The following PEMT variants were observed in gnomAD, a reference collection of about 807,000 sequenced individuals.
The protein encoded by PEMT is phospholipid methyltransferase.
PEMT carries 23 observed loss-of-function variants against 27.4 expected under a neutral mutation model. The observed-to-expected ratio is 0.84, with a 90% CI of 0.60 to 1.19. The LOEUF (loss-of-function observed/expected upper bound fraction) is 1.19, where lower values mean the gene tolerates loss of function less well. Ranked by LOEUF, PEMT falls within the 50% of genes most tolerant of loss-of-function variation. The pLI is 0.00. For synonymous variants in PEMT, 137 were observed against 139.1 expected, an observed-to-expected ratio of 0.98 and a Z score of 0.11; for missense variants, 307 against 310.1, an observed-to-expected ratio of 0.99 and a Z score of 0.07.
intron 2 of PEMT, among the ~76,000 whole-genome samples, chr17:17,564,307 TG>T (rs1910682825): frequency 6.6e-6 from 1 of 152,044 alleles, no homozygotes; most frequent in Non-Finnish European, 1.5e-5. Context: ...GTATGGGGCT[TG>T]GGTGGGGGGC....
At chr17:17,507,545 G>T in intron 5 of PEMT, 1 of 307,452 alleles carries the variant, frequency 3.3e-6, no homozygotes, top group Non-Finnish European at 6.1e-6. Context: ...CCCCAGGCCT[G>T]GCAACCAGCA....
chr17:17,511,332 C>T (rs1375826868), intron 4 of PEMT, among the ~76,000 whole-genome samples: 1 of 152,240 alleles, frequency 6.6e-6, no homozygotes, highest in South Asian at 2.1e-4. Context: ...GCAGGAAGCA[C>T]TGAACTGCCT....
At chr17:17,571,458 A>G (rs1911186618) in intron 2 of PEMT, among the ~76,000 whole-genome samples, 1 of 150,724 alleles carries the variant, frequency 6.6e-6, no homozygotes, top group Admixed American at 6.6e-5. Context: ...AACAGAGTGG[A>G]GGAGATGCCA....
chr17:17,580,217 G>A (rs1038140945), intron 1 of PEMT, among the ~76,000 whole-genome samples: 1 of 151,988 alleles, frequency 6.6e-6, no homozygotes, highest in Non-Finnish European at 1.5e-5. Flanking sequence ...TAGGCATGGT[G>A]GCCTGTAATC....
Position 17,522,368 on chromosome 17 carries a change from T to A in PEMT, c.232A>T (p.Lys78Ter). 6.2e-7 allele frequency: 1 copy of A among 1,612,038 alleles called. No homozygotes were observed. Residue 78 changes from lysine to a stop codon, truncating the protein, a stop_gained, in exon 3 of 7, where the codon AAG becomes TAG. Coordinates refer to ENST00000255389, the MANE Select transcript of PEMT (RefSeq NM_148172.3). LOFTEE classifies it high-confidence loss of function. ...VVARWEHKTR[K>*]LSRAFGSPYL... ...GGGGATCCGAAGGCCCTGCTCAGCTTGCGGGTCTTGTGTTCCCATCGTGCA... is the reference window on the plus strand; with the variant it reads ...GGGGATCCGAAGGCCCTGCTCAGCTAGCGGGTCTTGTGTTCCCATCGTGCA...
At chr17:17,537,143 C>G (rs1322306684) in intron 2 of PEMT, among the ~76,000 whole-genome samples, 1 of 152,212 alleles carries the variant, frequency 6.6e-6, no homozygotes, top group Non-Finnish European at 1.5e-5. Context: ...TCTCTGAGCC[C>G]TGCTTACACA....
chr17:17,516,126 C>T (rs938649213), intron 3 of PEMT, among the ~76,000 whole-genome samples: 13 of 152,246 alleles, frequency 8.5e-5, no homozygotes, highest in East Asian at 1.9e-4. Flanking sequence ...TCCGCAACGT[C>T]GTCCACATCC....
chr17:17,520,800 C>T (rs954121346), intron 3 of PEMT, among the ~76,000 whole-genome samples: 1 of 152,252 alleles, frequency 6.6e-6, no homozygotes, highest in Admixed American at 6.5e-5. Context: ...GAAGCAAAGG[C>T]CAGGAGCCAG....
At chr17:17,566,298 T>C (rs1283640503) in intron 2 of PEMT, among the ~76,000 whole-genome samples, 1 of 152,124 alleles carries the variant, frequency 6.6e-6, no homozygotes, top group Admixed American at 6.5e-5. Context: ...TTGTGCGTGA[T>C]CCCAGTAGAG....
intron 2 of PEMT, among the ~76,000 whole-genome samples, chr17:17,531,617 T>C (rs1311367258): frequency 2.0e-5 from 1 of 49,838 alleles, no homozygotes; most frequent in African/African-American, 8.5e-5. Flanking sequence ...TTGGCTATCA[T>C]ATGCAAAAAA....
At chr17:17,531,621 CAAAAAAAAA>C (rs58165466) in intron 2 of PEMT, among the ~76,000 whole-genome samples, 5 of 62,410 alleles carry the variant, frequency 8.0e-5, no homozygotes, top group South Asian at 9.7e-4. Context: ...CTATCATATG[CAAAAAAAAA>C]AAAAAAAAAA....
chr17:17,550,668 C>T (rs774630301), intron 2 of PEMT, among the ~76,000 whole-genome samples: 10 of 152,224 alleles, frequency 6.6e-5, no homozygotes, highest in Non-Finnish European at 1.2e-4. Context: ...CATTCATTTT[C>T]CAGCCCGCTT....
rs1910436863 is a variant in PEMT at position 17,561,022 on chromosome 17, C to T, written c.204+15898G>A. ...CTGAAGATAGCAAGGACCCCGGCCG[C>T]GCCTTCCTCTCCCCTCTCTCCTCCC... On this transcript the variant is annotated intron_variant, in intron 2 of 6. Transcript: ENST00000255389. This position sits in a 1 kb window ranked among gnomAD's most constrained non-coding sequence, Gnocchi z 4.5. 6.6e-6 allele frequency among the ~76,000 whole-genome samples: 1 copy of T among 152,092 alleles called. No individual in the cohort carries two copies.
At chr17:17,542,606 G>A (rs1908968169) in intron 2 of PEMT, among the ~76,000 whole-genome samples, 2 of 152,210 alleles carry the variant, frequency 1.3e-5, no homozygotes, top group African/African-American at 4.8e-5. Context: ...GTCTTTCATG[G>A]AGGAAAAACA....
chr17:17,545,221 C>A (rs1027327917), intron 2 of PEMT, among the ~76,000 whole-genome samples: 1 of 152,184 alleles, frequency 6.6e-6, no homozygotes, highest in Non-Finnish European at 1.5e-5. Context: ...TGGACCTCAC[C>A]CGCCCATGCA....
chr17:17,569,275 C>T (rs888524589), intron 2 of PEMT, among the ~76,000 whole-genome samples: 1 of 152,218 alleles, frequency 6.6e-6, no homozygotes, highest in Non-Finnish European at 1.5e-5. Flanking sequence ...CTGTCTGCAG[C>T]TGACCTGTCA....
In PEMT at chr17:17,554,440, A is replaced by G. The variant is rs7210306; in HGVS notation, c.204+22480T>C. Among the ~76,000 whole-genome samples, 1,486 of 152,240 alleles carry G rather than the reference A, an allele frequency of 9.8e-3. 28 individuals carry two copies. Among genetic ancestry groups the G allele is most frequent in the African/African-American group, 0.033 (1,381 of 41,546 alleles). Reference sequence around the variant, plus strand: ...GCAAGCAGTACAGGAACGTGTTCGGAAGGCAGAGTGCGCGGCCAACAGCGT... The same window carrying G: ...GCAAGCAGTACAGGAACGTGTTCGGGAGGCAGAGTGCGCGGCCAACAGCGT... On this transcript the variant is annotated intron_variant, in intron 2 of 6. Coordinates refer to ENST00000255389, the MANE Select transcript of PEMT (RefSeq NM_148172.3).
At chr17:17,552,709 C>T (rs933494283) in intron 2 of PEMT, among the ~76,000 whole-genome samples, 2 of 152,224 alleles carry the variant, frequency 1.3e-5, no homozygotes, top group Non-Finnish European at 2.9e-5. Context: ...GCCATGCTGT[C>T]GTTTTCTTTT....
chr17:17,570,441 C>G, intron 2 of PEMT: 1 of 871,910 alleles, frequency 1.1e-6, no homozygotes, highest in East Asian at 1.2e-4. Context: ...CTACTGACAT[C>G]TAGTGGGCAG....
Sources: allele counts gnomAD v4.1 joint callset (sites outside exome capture counted in the v4.1 genomes callset), GRCh38; gene constraint gnomAD v4.1.1; non-coding constraint Gnocchi (gnomAD v3.1); transcripts MANE v1.5; gene names NCBI Gene and HGNC (gene_info 2026-07-23, HGNC 2026-07-21).